Variants in LEPR observed in about 807,000 individuals in gnomAD.
LEPR encodes the protein OB receptor.
In LEPR, 56 loss-of-function variants were observed where a neutral mutation model predicts 114.7. The ratio of observed to expected loss-of-function variants is 0.49; its 90% CI spans 0.39 to 0.61. LEPR has a LOEUF of 0.61. Ranked by LOEUF, LEPR falls within the 20% of genes least tolerant of loss-of-function variation. The probability of loss-of-function intolerance (pLI) is 0.00; values close to 1 mark genes in which losing one functional copy is unlikely to be tolerated. For missense variants in LEPR, 1,202 were observed against 1,352.9 expected, an observed-to-expected ratio of 0.89 and a Z score of 1.75; for synonymous variants, 443 against 461.4, an observed-to-expected ratio of 0.96 and a Z score of 0.51.
Position 65,592,671 on chromosome 1 carries a change from A to T in LEPR, c.509A>T (p.Glu170Val). The change falls in exon 6 of 20, where the codon GAA becomes GTA. Residue 170 changes from glutamate to valine, a missense_variant. By Grantham distance (121) the Glu-to-Val change is moderately radical. Coordinates refer to ENST00000349533, the MANE Select transcript of LEPR (RefSeq NM_002303.6). ...TTTCAATATAGGCCTGAAGTGTTAG[A>T]AGATTCACCTCTGGTTCCCCAAAAA... is the stretch of plus-strand genomic sequence containing the variant. Reference protein sequence around the residue: ...HLLYVLPEVLEDSPLVPQKGS... With the variant: ...HLLYVLPEVLVDSPLVPQKGS... 6.2e-7 allele frequency: 1 copy of T among 1,613,126 alleles called. No homozygotes were observed. The highest frequency in any genetic ancestry group is 1.1e-5 in the South Asian group (1 of 91,068).
intron 2 of LEPR, among the ~76,000 whole-genome samples, chr1:65,494,376 A>G (rs1200921199): frequency 6.6e-6 from 1 of 151,998 alleles, no homozygotes. Context: ...CTCCTCCTAT[A>G]TCTCCAAATG....
At chr1:65,534,162 C>T (rs1650595433) in intron 2 of LEPR, among the ~76,000 whole-genome samples, 1 of 152,010 alleles carries the variant, frequency 6.6e-6, no homozygotes, top group South Asian at 2.1e-4. Flanking sequence ...TCTTTATTTG[C>T]CCATAATTCT....
At chr1:65,527,895 G>C (rs1650085453) in intron 2 of LEPR, among the ~76,000 whole-genome samples, 1 of 152,066 alleles carries the variant, frequency 6.6e-6, no homozygotes, top group Non-Finnish European at 1.5e-5. Flanking sequence ...ATATACCCTG[G>C]TTGCTAAGTC....
intron 5 of LEPR, among the ~76,000 whole-genome samples, 180 bp from the exon 6 acceptor site, chr1:65,592,477 T>TG (rs1390656554): frequency 1.3e-5 from 2 of 151,678 alleles, no homozygotes; most frequent in Non-Finnish European, 2.9e-5. Flanking sequence ...TTATTCCTGA[T>TG]GATTAACCTG....
At chr1:65,440,446 A>G (rs67129560) in intron 2 of LEPR, among the ~76,000 whole-genome samples, 80,906 of 151,440 alleles carry the variant, frequency 0.53, 22,426 homozygotes, top group Middle Eastern at 0.63. Flanking sequence ...TAAGGCAAAA[A>G]AAGGAAGAAA....
At chr1:65,421,295 G>A in intron 1 of LEPR, 6 of 1,505,244 alleles carry the variant, frequency 4.0e-6, no homozygotes, top group South Asian at 1.2e-5. Context: ...TTTTAATACT[G>A]CTTTCTTCGG....
At chr1:65,487,998 T>C (rs1384393862) in intron 2 of LEPR, among the ~76,000 whole-genome samples, 2 of 151,064 alleles carry the variant, frequency 1.3e-5, no homozygotes, top group East Asian at 3.9e-4. Context: ...TCATCTTTCT[T>C]TCTTCTCCTT....
intron 2 of LEPR, among the ~76,000 whole-genome samples, chr1:65,498,123 T>C (rs1166522705): frequency 6.6e-6 from 1 of 152,178 alleles, no homozygotes; most frequent in Non-Finnish European, 1.5e-5. Context: ...ATTTACTTTT[T>C]GATGAGTTCA....
At chr1:65,597,056 A>G (rs897321632) in intron 7 of LEPR, among the ~76,000 whole-genome samples, 2 of 152,110 alleles carry the variant, frequency 1.3e-5, no homozygotes, top group Non-Finnish European at 2.9e-5. Flanking sequence ...ATATTTGATC[A>G]GATTTCTCAT....
In LEPR at chr1:65,637,149, T is replaced by C. The variant is rs1037780741; in HGVS notation, c.*134T>C. On this transcript the variant is annotated 3_prime_UTR_variant, in exon 20 of 20. Coordinates refer to ENST00000349533, the MANE Select transcript of LEPR (RefSeq NM_002303.6). ...AATTGTTCCAAATGAATGTTGTCTG[T>C]TTGTTCTCTCTTAGTAACATAGACA... is the stretch of plus-strand genomic sequence containing the variant. The C allele has an allele frequency of 1.9e-5, 21 of 1,080,762 alleles. No individual in the cohort carries two copies. The highest frequency in any genetic ancestry group is 2.2e-5 in the Non-Finnish European group (17 of 765,814). 66.9% of individuals were successfully genotyped at this position (1,080,762 alleles called of 1,614,324 possible).
At chr1:65,442,702 A>G (rs1646664579) in intron 2 of LEPR, among the ~76,000 whole-genome samples, 1 of 152,220 alleles carries the variant, frequency 6.6e-6, no homozygotes, top group Admixed American at 6.5e-5. Flanking sequence ...CAATATATAC[A>G]CTCAATAAAA....
chr1:65,454,859 A>T (rs1411005606), intron 2 of LEPR, among the ~76,000 whole-genome samples: 1 of 152,106 alleles, frequency 6.6e-6, no homozygotes, highest in Non-Finnish European at 1.5e-5. Flanking sequence ...GTTCTCCTGG[A>T]TGATATCCTG....
At chr1:65,597,588 A>T (rs971246245) in intron 7 of LEPR, among the ~76,000 whole-genome samples, 2 of 152,002 alleles carry the variant, frequency 1.3e-5, no homozygotes, top group East Asian at 3.9e-4. Context: ...AGTGCAAAGG[A>T]TGGTGTGGCT....
chr1:65,441,802 G>A (rs922304278), intron 2 of LEPR, among the ~76,000 whole-genome samples: 28 of 152,164 alleles, frequency 1.8e-4, no homozygotes, highest in Admixed American at 1.8e-3. Context: ...AGACCCTCTG[G>A]GGTGACAGCC....
chr1:65,636,141 A>C, intron 19 of LEPR, 50 bp from the exon 20 acceptor site: 1 of 1,609,734 alleles, frequency 6.2e-7, no homozygotes, highest in Non-Finnish European at 8.5e-7. Flanking sequence ...GACATAATGA[A>C]GCAAAATTTT....
chr1:65,532,317 G>C (rs1393529989), intron 2 of LEPR, among the ~76,000 whole-genome samples: 1 of 152,288 alleles, frequency 6.6e-6, no homozygotes, highest in East Asian at 1.9e-4. Flanking sequence ...CTGGAACATG[G>C]AACTTTCCCA....
chr1:65,597,650 G>A (rs542561854), intron 7 of LEPR, among the ~76,000 whole-genome samples: 1 of 152,254 alleles, frequency 6.6e-6, no homozygotes, highest in Non-Finnish European at 1.5e-5. Context: ...GCCAGCAGGG[G>A]AAGAGAATGT....
intron 2 of LEPR, among the ~76,000 whole-genome samples, chr1:65,466,167 T>C (rs1051903706): frequency 5.3e-5 from 8 of 152,200 alleles, no homozygotes; most frequent in African/African-American, 1.9e-4. Flanking sequence ...CTGGTACCGG[T>C]TGTTCCATTC....
chr1:65,598,093 C>CT (rs1656190952), intron 7 of LEPR, among the ~76,000 whole-genome samples: 1 of 83,296 alleles, frequency 1.2e-5, no homozygotes, highest in African/African-American at 6.3e-5. Flanking sequence ...ATCCTCCTGC[C>CT]TCTTTTTTTT....
Sources: allele counts gnomAD v4.1 joint callset (sites outside exome capture counted in the v4.1 genomes callset), GRCh38; gene constraint gnomAD v4.1.1; transcripts MANE v1.5; gene names NCBI Gene and HGNC (gene_info 2026-07-23, HGNC 2026-07-21).